MTMR7: variants seen among roughly 807,000 people sequenced by gnomAD.
MTMR7 encodes the protein phosphatidylinositol-3-phosphate phosphatase MTMR7.
A neutral mutation model predicts 81.2 loss-of-function variants in MTMR7; 76 were observed. The ratio of observed to expected loss-of-function variants is 0.94; its 90% CI spans 0.78 to 1.13. The LOEUF (loss-of-function observed/expected upper bound fraction) is 1.13, where lower values mean the gene tolerates loss of function less well. Among genes scored for constraint, MTMR7 ranks in the 50% most tolerant of loss-of-function variants. The pLI is 0.00. For missense variants in MTMR7, 1,044 were observed against 820.0 expected (o/e 1.27, Z -3.34); for synonymous variants, 372 against 289.8 (o/e 1.28, Z -2.88).
chr8:17,400,414 G>A (rs151088176), intron 1 of MTMR7, among the ~76,000 whole-genome samples: 26 of 152,278 alleles, frequency 1.7e-4, no homozygotes, highest in Admixed American at 1.0e-3. Flanking sequence ...CAGAGTGTGT[G>A]TTCTTAACAA....
Position 17,298,731 on chromosome 8 carries a change from C to G in MTMR7, c.*1131G>C, listed in dbSNP as rs1359429560. 6.6e-6 allele frequency: 1 copy of G among 152,566 alleles called. No individual in the cohort carries two copies. Among genetic ancestry groups the G allele is most frequent in the African/African-American group, 2.4e-5 (1 of 41,444 alleles). 9.5% of individuals were successfully genotyped at this position (152,566 alleles called of 1,614,324 possible). On this transcript the variant is annotated 3_prime_UTR_variant, in exon 14 of 14. Transcript: ENST00000180173. The stretch of plus-strand genomic sequence containing the variant: ...GTCCAAACATGGCCACTTTTCCCCA[C>G]TAAGTTTAATTTAGGTCACCTAGTG...
intron 5 of MTMR7, among the ~76,000 whole-genome samples, chr8:17,347,023 G>A (rs546419244): frequency 2.6e-5 from 4 of 151,416 alleles, no homozygotes; most frequent in East Asian, 3.9e-4. Context: ...GGCTTTCCTC[G>A]TCTCTACAAA....
intron 7 of MTMR7, among the ~76,000 whole-genome samples, chr8:17,321,348 C>T (rs1253375013): frequency 6.6e-6 from 1 of 152,228 alleles, no homozygotes; most frequent in African/African-American, 2.4e-5. Flanking sequence ...ATGGGACAGG[C>T]TGCTGTGGCT....
At chr8:17,396,547 A>C (rs1296394911) in intron 1 of MTMR7, among the ~76,000 whole-genome samples, 1 of 152,176 alleles carries the variant, frequency 6.6e-6, no homozygotes, top group African/African-American at 2.4e-5. Flanking sequence ...CCTTAGCTAG[A>C]GGGAAATTGC....
Position 17,331,907 on chromosome 8 carries a change from A to G in MTMR7, c.733-625T>C, listed in dbSNP as rs877427. On this transcript the variant is annotated intron_variant, in intron 6 of 13. Coordinates refer to ENST00000180173, the MANE Select transcript of MTMR7 (RefSeq NM_004686.5). The stretch of plus-strand genomic sequence containing the variant: ...TAGAGATCTATTGGGCTTTTTGATC[A>G]CTTTCATTATTATAATTTTGCATAT... Among the ~76,000 whole-genome samples the G allele has an allele frequency of 2.6e-5, 4 of 152,152 alleles. No individual in the cohort carries two copies. The East Asian group carries it at 7.7e-4, about 29-fold the overall frequency.
intron 1 of MTMR7, among the ~76,000 whole-genome samples, chr8:17,403,383 C>G (rs1244523475): frequency 1.3e-5 from 2 of 152,118 alleles, no homozygotes; most frequent in East Asian, 3.9e-4. Context: ...AACAAGTCCA[C>G]TGTAGGTGTG....
chr8:17,383,029 G>C (rs988109150), intron 1 of MTMR7, among the ~76,000 whole-genome samples: 2 of 124,336 alleles, frequency 1.6e-5, no homozygotes, highest in South Asian at 4.4e-4. Flanking sequence ...CGAGATATGG[G>C]GGGGCCGGGA....
intron 4 of MTMR7, among the ~76,000 whole-genome samples, chr8:17,356,967 C>T (rs1705630688): frequency 6.6e-6 from 1 of 152,144 alleles, no homozygotes; most frequent in South Asian, 2.1e-4. Context: ...TACTCTCTAG[C>T]TCATAAACTC....
At chr8:17,375,233 C>T (rs1466030161) in intron 1 of MTMR7, among the ~76,000 whole-genome samples, 1 of 152,182 alleles carries the variant, frequency 6.6e-6, no homozygotes, top group Non-Finnish European at 1.5e-5. Context: ...CCCAAGACCT[C>T]CCATTGCCTC....
At chr8:17,406,449 C>A (rs558151347) in intron 1 of MTMR7, among the ~76,000 whole-genome samples, 47 of 152,308 alleles carry the variant, frequency 3.1e-4, no homozygotes, top group African/African-American at 1.1e-3. Context: ...GATACCACTT[C>A]ACACCCACCT....
intron 7 of MTMR7, among the ~76,000 whole-genome samples, chr8:17,315,787 G>A (rs1397601090): frequency 6.6e-6 from 1 of 152,078 alleles, no homozygotes; most frequent in African/African-American, 2.4e-5. Context: ...CAAGTCAGAA[G>A]GATCATTTGA....
intron 1 of MTMR7, among the ~76,000 whole-genome samples, chr8:17,405,845 C>T (rs1350977912): frequency 1.8e-4 from 1 of 5,434 alleles, no homozygotes; most frequent in Non-Finnish European, 5.4e-4. Context: ...TACACACACA[C>T]ACACACACAC....
intron 1 of MTMR7, among the ~76,000 whole-genome samples, chr8:17,382,320 A>G (rs1456112544): frequency 6.6e-6 from 1 of 152,220 alleles, no homozygotes; most frequent in Non-Finnish European, 1.5e-5. Flanking sequence ...GCCCAGCCAC[A>G]GTGGCTCTTT....
At chr8:17,307,238 C>T (rs551124816) in intron 10 of MTMR7, among the ~76,000 whole-genome samples, 6 of 152,284 alleles carry the variant, frequency 3.9e-5, no homozygotes, top group Non-Finnish European at 5.9e-5. Flanking sequence ...TATGAAAAGA[C>T]ACTTCTCAAA....
intron 3 of MTMR7, among the ~76,000 whole-genome samples, chr8:17,364,016 C>CTTT (rs1820139316): frequency 1.0e-5 from 1 of 97,224 alleles, no homozygotes; most frequent in African/African-American, 4.4e-5. Context: ...AAAAGTGTTG[C>CTTT]TATTATTTTT....
At chr8:17,409,391 T>C (rs13254302) in intron 1 of MTMR7, among the ~76,000 whole-genome samples, 34,785 of 151,536 alleles carry the variant, frequency 0.23, 4,866 homozygotes, top group South Asian at 0.32. Flanking sequence ...ACCCAGGAGA[T>C]GGAGTCAAGT....
intron 1 of MTMR7, among the ~76,000 whole-genome samples, chr8:17,390,452 C>T (rs761290472): frequency 2.6e-5 from 4 of 152,210 alleles, no homozygotes; most frequent in East Asian, 1.9e-4. Flanking sequence ...CAGGCCCAAC[C>T]GCTAACATTG....
chr8:17,352,902 T>C (rs948314404), intron 4 of MTMR7, among the ~76,000 whole-genome samples: 17 of 152,144 alleles, frequency 1.1e-4, no homozygotes, highest in African/African-American at 4.1e-4. Flanking sequence ...TCTTCAGGAA[T>C]TTAAAAATAG....
chr8:17,325,268 G>A (rs146879264), intron 7 of MTMR7, among the ~76,000 whole-genome samples: 45 of 152,216 alleles, frequency 3.0e-4, no homozygotes, highest in African/African-American at 8.9e-4. Flanking sequence ...ACATGTGACC[G>A]TCATACCCAC....
Sources: allele counts gnomAD v4.1 joint callset (sites outside exome capture counted in the v4.1 genomes callset), GRCh38; gene constraint gnomAD v4.1.1; transcripts MANE v1.5; gene names NCBI Gene and HGNC (gene_info 2026-07-23, HGNC 2026-07-21).